HAUS7: variants seen among roughly 807,000 people sequenced by gnomAD.
The protein encoded by HAUS7 is HAUS augmin-like complex subunit 7.
HAUS7 carries 3 observed loss-of-function variants against 28.4 expected under a neutral mutation model. The ratio of observed to expected loss-of-function variants is 0.11; its 90% CI spans 0.05 to 0.27. The LOEUF (loss-of-function observed/expected upper bound fraction) is 0.27. Ranked by LOEUF, HAUS7 falls within the 10% of genes least tolerant of loss-of-function variation. The probability of loss-of-function intolerance (pLI) is 1.00; values close to 1 mark genes in which losing one functional copy is unlikely to be tolerated. For synonymous variants in HAUS7, 165 were observed against 132.1 expected, an observed-to-expected ratio of 1.25 and a Z score of -1.71; for missense variants, 284 against 297.3, an observed-to-expected ratio of 0.96 and a Z score of 0.33.
At chrX:153,488,871 C>G (rs1556989114) in intron 1 of HAUS7, among the ~76,000 whole-genome samples, 3 of 113,169 alleles carry the variant, frequency 2.7e-5, no homozygotes, top group Non-Finnish European at 3.7e-5. Context: ...GGAGGGGCCC[C>G]TCAGCTGCAG....
intron 1 of HAUS7, among the ~76,000 whole-genome samples, chrX:153,475,938 A>C (rs782078086): frequency 1.8e-5 from 2 of 112,054 alleles, no homozygotes; most frequent in East Asian, 5.7e-4. Context: ...GCCAGCCACT[A>C]TCACCTGGCC....
intron 1 of HAUS7, 106 bp from the exon 2 acceptor site, chrX:153,469,367 C>G: frequency 2.3e-6 from 1 of 434,619 alleles, no homozygotes; most frequent in Non-Finnish European, 4.0e-6. Context: ...TGTCGCCCAG[C>G]CTGGATGGAG....
chrX:153,452,699 G>A (rs1324108524), intron 9 of HAUS7, among the ~76,000 whole-genome samples: 13 of 112,198 alleles, frequency 1.2e-4, no homozygotes, highest in African/African-American at 4.2e-4. Flanking sequence ...CAGAGTTAAA[G>A]AGGCTGGGCG....
intron 4 of HAUS7, among the ~76,000 whole-genome samples, chrX:153,459,275 T>C (rs1471328392): frequency 8.9e-6 from 1 of 112,201 alleles, no homozygotes; most frequent in Non-Finnish European, 1.9e-5. Context: ...GGGTTGTTAA[T>C]AGATTCGGGA....
chrX:153,448,179 A>G (rs113975121), intron 9 of HAUS7, among the ~76,000 whole-genome samples: 11,899 of 110,162 alleles, frequency 0.11, 1,633 homozygotes, highest in African/African-American at 0.36. Context: ...TTAAGAAAAT[A>G]TGGCACATAT....
chrX:153,486,616 C>T (rs940584018), intron 1 of HAUS7: 17 of 981,949 alleles, frequency 1.7e-5, no homozygotes, highest in Middle Eastern at 3.0e-4. Flanking sequence ...CTCTGCCCCA[C>T]CCCTCCCTTG....
intron 3 of HAUS7, among the ~76,000 whole-genome samples, chrX:153,464,408 T>C (rs1448987297): frequency 8.9e-6 from 1 of 112,600 alleles, no homozygotes; most frequent in Non-Finnish European, 1.9e-5. Context: ...ATAACTCATG[T>C]GGCAATGCCA....
chrX:153,459,468 AAAC>A (rs781965034), intron 4 of HAUS7, among the ~76,000 whole-genome samples: 166 of 111,690 alleles, frequency 1.5e-3, no homozygotes, highest in African/African-American at 5.3e-3. Flanking sequence ...TGACTTTATA[AAAC>A]ATCACTATGA....
At chrX:153,470,828 C>A (rs868937138), upstream of HAUS7, 74 of 407,080 alleles carry the variant, frequency 1.8e-4, no homozygotes, top group Non-Finnish European at 2.9e-4. Flanking sequence ...GGGCGGACAC[C>A]GGGAAGGAGG....
chrX:153,470,611 G>C (rs2089511571), upstream of HAUS7: 1 of 1,188,637 alleles, frequency 8.4e-7, no homozygotes, highest in South Asian at 1.8e-5. Context: ...TGGCCGGCAA[G>C]ACCGCCAATC....
intron 4 of HAUS7, chrX:153,461,736 G>C (rs965309653): frequency 4.6e-6 from 1 of 217,708 alleles, no homozygotes; most frequent in African/African-American, 2.9e-5. Flanking sequence ...ACGGATGCCA[G>C]CAAGTGCCAG....
Position 153,462,689 on chromosome X carries a change from G to T in HAUS7, c.293-18C>A. 1 of 1,164,208 alleles carries T rather than the reference G, an allele frequency of 8.6e-7. No individual in the cohort carries two copies. The highest frequency in any genetic ancestry group is 1.2e-6 in the Non-Finnish European group (1 of 852,242). ...CGTCATTTCTGTTGAAACACAAAGA[G>T]CCCATCATGGCAGGCACCTGCCCAG... On this transcript the variant is annotated intron_variant, in intron 3 of 9. Transcript: ENST00000370211.
chrX:153,467,379 T>C (rs1315814018), intron 2 of HAUS7, among the ~76,000 whole-genome samples: 1 of 111,489 alleles, frequency 9.0e-6, no homozygotes, highest in African/African-American at 3.3e-5. Context: ...TCTCAGCACG[T>C]CGCTCCCCAG....
At chrX:153,448,689 G>A (rs1412129658) in intron 9 of HAUS7, among the ~76,000 whole-genome samples, 1 of 112,636 alleles carries the variant, frequency 8.9e-6, no homozygotes, top group Non-Finnish European at 1.9e-5. Context: ...TCCTCCTTGA[G>A]CCCCAGGCAC....
chrX:153,468,092 C>A (rs1375900979), intron 2 of HAUS7, among the ~76,000 whole-genome samples: 1 of 112,319 alleles, frequency 8.9e-6, no homozygotes, highest in Non-Finnish European at 1.9e-5. Context: ...GCCTAGAAGG[C>A]AGAGGCAGGA....
intron 1 of HAUS7, among the ~76,000 whole-genome samples, chrX:153,469,514 G>A (rs989835769): frequency 6.2e-5 from 7 of 112,212 alleles, no homozygotes; most frequent in African/African-American, 2.3e-4. Context: ...TTTTAATAGA[G>A]ACGGAGTTTC....
chrX:153,492,562 A>G (rs1036177422), intron 1 of HAUS7, among the ~76,000 whole-genome samples: 1 of 111,836 alleles, frequency 8.9e-6, no homozygotes, highest in African/African-American at 3.3e-5. Flanking sequence ...GCAGCCCCCA[A>G]CTTCAGGTAA....
chrX:153,486,106 C>T, intron 1 of HAUS7: 1 of 928,457 alleles, frequency 1.1e-6, no homozygotes, highest in Non-Finnish European at 1.4e-6. Context: ...GGTAGGGCCC[C>T]CCTCCTCGAC....
At chrX:153,459,220 G>A (rs782404941) in intron 4 of HAUS7, among the ~76,000 whole-genome samples, 22 of 111,865 alleles carry the variant, frequency 2.0e-4, no homozygotes, top group Non-Finnish European at 3.9e-4. Flanking sequence ...CGGACACTTT[G>A]TCCATTTTTG....
Sources: allele counts gnomAD v4.1 joint callset (sites outside exome capture counted in the v4.1 genomes callset), GRCh38; gene constraint gnomAD v4.1.1; transcripts MANE v1.5; gene names NCBI Gene and HGNC (gene_info 2026-07-23, HGNC 2026-07-21).